Variants in IGF2 observed in about 807,000 individuals in gnomAD.
The protein encoded by IGF2 is insulin like growth factor 2.
Under a neutral mutation model 12.0 loss-of-function variants are expected in IGF2, and 2 were observed. The observed-to-expected ratio is 0.17, with a 90% CI of 0.07 to 0.52. IGF2 has a LOEUF of 0.52. Among genes scored for constraint, IGF2 ranks in the 20% least tolerant of loss-of-function variants. The pLI, the probability that IGF2 is intolerant of heterozygous loss-of-function variation, is 0.95. For missense variants in IGF2, 211 were observed against 268.0 expected (o/e 0.79, Z 1.48); for synonymous variants, 105 against 110.1 (o/e 0.95, Z 0.29).
upstream of IGF2, chr11:2,140,499 C>G (rs1469416078): frequency 1.7e-6 from 1 of 582,410 alleles, no homozygotes; most frequent in African/African-American, 2.0e-5. Flanking sequence ...TCCGCGCGCG[C>G]CTCCCGGCGG....
chr11:2,147,576 C>T, the IGF2 span: 27 of 1,221,834 alleles, frequency 2.2e-5, no homozygotes, highest in East Asian at 1.6e-4. The surrounding 1 kb of genome is among the most constrained non-coding windows in gnomAD (Gnocchi z 7.2). Flanking sequence ...CTCTCTGCCT[C>T]GCAGTTGGGG....
At chr11:2,134,754 C>G (rs3213228) in intron 2 of IGF2, among the ~76,000 whole-genome samples, 7,304 of 152,204 alleles carry the variant, frequency 0.048, 599 homozygotes, top group African/African-American at 0.17. Context: ...GCCATGCACC[C>G]ACCTGCCAGC....
the IGF2 span, chr11:2,147,532 C>T: frequency 1.0e-6 from 1 of 980,268 alleles, no homozygotes; most frequent in Non-Finnish European, 1.3e-6. The surrounding 1 kb of genome is among the most constrained non-coding windows in gnomAD (Gnocchi z 7.2). Flanking sequence ...CTGTGGCCCT[C>T]TCTGCCAGGC....
chr11:2,135,692 A>G (rs888494930), intron 1 of IGF2, among the ~76,000 whole-genome samples, 163 bp from the exon 2 acceptor site: 2 of 152,248 alleles, frequency 1.3e-5, no homozygotes, highest in African/African-American at 4.8e-5. Context: ...CACACAGGTC[A>G]TAATGCCGAG....
intron 1 of IGF2, among the ~76,000 whole-genome samples, chr11:2,137,762 C>G (rs932423560): frequency 6.6e-6 from 1 of 152,302 alleles, no homozygotes; most frequent in African/African-American, 2.4e-5. Flanking sequence ...CAACTCGGCC[C>G]CTCTCCATCC....
Position 2,138,393 on chromosome 11 carries a change from G to T in IGF2, c.-171C>A, listed in dbSNP as rs912955332. ...GCGGGGGGATGGCTTTTTTTTGGGG[G>T]GGGGGGGAGAATTCGTCTGATTGTC... On this transcript the variant is annotated 5_prime_UTR_variant, in exon 1 of 4. Transcript: ENST00000416167. 40 of 539,132 alleles carry T rather than the reference G, an allele frequency of 7.4e-5. 3 individuals carry two copies. The highest frequency in any genetic ancestry group is 2.9e-4 in the African/African-American group (14 of 47,680). 33.4% of individuals were successfully genotyped at this position (539,132 alleles called of 1,614,324 possible).
At chr11:2,148,004 G>C in the IGF2 span, 1 of 402,870 alleles carries the variant, frequency 2.5e-6, no homozygotes, top group African/African-American at 2.1e-5. This position sits in a 1 kb window ranked among gnomAD's most constrained non-coding sequence, Gnocchi z 4.3. Context: ...TATAAGGGAG[G>C]GAAGAAGTGG....
Position 2,133,716 on chromosome 11 carries a change from A to C in IGF2, c.158-51T>G. 2 of 1,600,406 alleles carry C rather than the reference A, an allele frequency of 1.2e-6. No homozygotes were observed. The highest frequency in any genetic ancestry group is 1.7e-6 in the Non-Finnish European group (2 of 1,174,362). ...GCCGTGTTAGCACCGCACTGACCCC[A>C]GCCCCCGGAGGCTGAAGGGGGAGCA... On this transcript the variant is annotated intron_variant, in intron 2 of 3. Transcript: ENST00000416167. The surrounding 1 kb of genome is among the most constrained non-coding windows in gnomAD (Gnocchi z 8.9).
At chr11:2,147,302 CT>C in the IGF2 span, 2 of 347,748 alleles carry the variant, frequency 5.8e-6, no homozygotes, top group Non-Finnish European at 1.0e-5. This position sits in a 1 kb window ranked among gnomAD's most constrained non-coding sequence, Gnocchi z 7.2. Context: ...CTTCTTTGCC[CT>C]CTTTCGTCTC....
chr11:2,138,635 G>A lies in IGF2; in HGVS notation c.-413C>T. ...GGCAGGCGCACAGCGGGAGAGAACA[G>A]CACGGAGAGAAACAGAAAGCGTGTA... On this transcript the variant is annotated 5_prime_UTR_variant, in exon 1 of 4. Coordinates refer to ENST00000416167, the MANE Select transcript of IGF2 (RefSeq NM_000612.6). 1 of 977,750 alleles carries A rather than the reference G, an allele frequency of 1.0e-6. No individual in the cohort carries two copies. Among genetic ancestry groups the A allele is most frequent in the Non-Finnish European group, 1.2e-6 (1 of 827,560 alleles). 60.6% of individuals were successfully genotyped at this position (977,750 alleles called of 1,614,324 possible).
rs3213234 is a variant in IGF2 at position 2,132,927 on chromosome 11, C to T, written c.*60G>A. ...CGGGATGGAACCTGATGGAAACGTC[C>T]GTGGTCAGGAGGAGGCTGCAGGATG... On this transcript the variant is annotated 3_prime_UTR_variant, in exon 4 of 4. Coordinates refer to ENST00000416167, the MANE Select transcript of IGF2 (RefSeq NM_000612.6). 2.9e-5 allele frequency: 34 copies of T among 1,160,066 alleles called. No individual in the cohort carries two copies. The highest frequency in any genetic ancestry group is 2.9e-5 in the Non-Finnish European group (24 of 825,140). The allele number at this position is 1,160,066 out of a possible 1,614,324, so 71.9% of individuals were successfully genotyped here.
chr11:2,147,203 AATG>A, the IGF2 span: 1 of 170,208 alleles, frequency 5.9e-6, no homozygotes, highest in East Asian at 1.5e-4. The surrounding 1 kb of genome is among the most constrained non-coding windows in gnomAD (Gnocchi z 7.2). Context: ...GTTCTTCCCC[AATG>A]ATATTTTCCC....
At chr11:2,147,210 T>G in the IGF2 span, 1 of 176,496 alleles carries the variant, frequency 5.7e-6, no homozygotes. This position sits in a 1 kb window ranked among gnomAD's most constrained non-coding sequence, Gnocchi z 7.2. Context: ...CCCAATGATA[T>G]TTTCCCTTTT....
upstream of IGF2, among the ~76,000 whole-genome samples, chr11:2,139,583 G>GT (rs1418360997): frequency 3.4e-5 from 5 of 147,544 alleles, 2 homozygotes; most frequent in Non-Finnish European, 7.6e-5. Flanking sequence ...CCCCGGGGGG[G>GT]GGGCGGCGGT....
At chr11:2,149,067 C>G in the IGF2 span, 2 of 1,518,724 alleles carry the variant, frequency 1.3e-6, no homozygotes, top group African/African-American at 2.7e-5. Context: ...GGCCCACCCA[C>G]GCCTGAACAC....
At chr11:2,139,551 G>A (rs1254418376), upstream of IGF2, among the ~76,000 whole-genome samples, 4 of 138,180 alleles carry the variant, frequency 2.9e-5, no homozygotes, top group East Asian at 4.5e-4. Flanking sequence ...GGGGCGGGGG[G>A]TGCGGGCTGG....
chr11:2,146,571 G>C, the IGF2 span: 2 of 367,116 alleles, frequency 5.4e-6, no homozygotes, highest in Non-Finnish European at 1.1e-5. Context: ...TTGGGAGAGG[G>C]CCCTGGGAGA....
the IGF2 span, chr11:2,149,199 C>A: frequency 6.2e-7 from 1 of 1,613,388 alleles, no homozygotes; most frequent in Non-Finnish European, 8.5e-7. Flanking sequence ...TCACTGGTGC[C>A]CAAGGCTCTC....
At position 2,133,366 on chromosome 11, in the gene IGF2, C is replaced by A; in HGVS notation, c.307-143G>T. On this transcript the variant is annotated intron_variant, in intron 3 of 3. Transcript: ENST00000416167. This position sits in a 1 kb window ranked among gnomAD's most constrained non-coding sequence, Gnocchi z 8.9. Reference sequence around the variant, plus strand: ...CGGGCAGAGGGACAGAAGGAGCCAGCGTCTGAGCTGCTCCCGGGCCACACA... The same window carrying A: ...CGGGCAGAGGGACAGAAGGAGCCAGAGTCTGAGCTGCTCCCGGGCCACACA... The A allele has an allele frequency of 2.9e-6, 3 of 1,018,230 alleles. No individual in the cohort carries two copies. Among genetic ancestry groups the A allele is most frequent in the Non-Finnish European group, 4.3e-6 (3 of 705,556 alleles). 63.1% of individuals were successfully genotyped at this position (1,018,230 alleles called of 1,614,324 possible). A position where few individuals can be genotyped will look rare whatever the true frequency, so the allele number is the denominator to read the frequency against.
Sources: allele counts gnomAD v4.1 joint callset (sites outside exome capture counted in the v4.1 genomes callset), GRCh38; gene constraint gnomAD v4.1.1; non-coding constraint Gnocchi (gnomAD v3.1); transcripts MANE v1.5; gene names NCBI Gene and HGNC (gene_info 2026-07-23, HGNC 2026-07-21).